The following GRM7 variants were observed in gnomAD, a reference collection of about 807,000 sequenced individuals.
The protein encoded by GRM7 is glutamate metabotropic receptor 7.
GRM7 carries 35 observed loss-of-function variants against 84.5 expected under a neutral mutation model. That is an observed-to-expected ratio of 0.41 (90% CI 0.32 to 0.55). The LOEUF (loss-of-function observed/expected upper bound fraction) is 0.55, where lower values mean the gene tolerates loss of function less well. GRM7 is among the 20% of genes least tolerant of loss of function. The probability of loss-of-function intolerance (pLI) is 0.19; values close to 1 mark genes in which losing one functional copy is unlikely to be tolerated. For synonymous variants in GRM7, 487 were observed against 455.1 expected (o/e 1.07, Z -0.89); for missense variants, 1,003 against 1,194.6 (o/e 0.84, Z 2.36).
chr3:7,476,375 GTC>G (rs1033888969), intron 7 of GRM7, among the ~76,000 whole-genome samples: 5 of 151,990 alleles, frequency 3.3e-5, no homozygotes, highest in Admixed American at 3.3e-4. Context: ...ATGAAAACCC[GTC>G]TCTACTAAAA....
intron 1 of GRM7, among the ~76,000 whole-genome samples, chr3:6,889,747 C>A (rs1191534228): frequency 4.6e-5 from 7 of 151,902 alleles, no homozygotes; most frequent in East Asian, 1.9e-4. Flanking sequence ...CTGGCCTCAG[C>A]AAATGAGTTA....
rs113817764 is a variant in GRM7 at position 7,019,625 on chromosome 3, G to A, written c.520-126827G>A. ...TGAATAAGAGTGCATGGAAAGTGGT[G>A]TAACAACTCTGAAATGCATCTCTTC... is the stretch of plus-strand genomic sequence containing the variant. On this transcript the variant is annotated intron_variant, in intron 1 of 9. Coordinates refer to ENST00000357716, the MANE Select transcript of GRM7 (RefSeq NM_000844.4). Among the ~76,000 whole-genome samples, 559 of 152,302 alleles carry A rather than the reference G, an allele frequency of 3.7e-3. 7 individuals are homozygous for A. Among genetic ancestry groups the A allele is most frequent in the Middle Eastern group, 0.017 (5 of 294 alleles).
chr3:7,391,349 C>T (rs2125142357), intron 4 of GRM7, among the ~76,000 whole-genome samples: 1 of 152,186 alleles, frequency 6.6e-6, no homozygotes, highest in South Asian at 2.1e-4. Flanking sequence ...GAAAATGTGG[C>T]ACATACACAC....
At position 7,621,887 on chromosome 3, in the gene GRM7, A is replaced by G. The variant is rs148681885; in HGVS notation, c.2451+42530A>G. Among the ~76,000 whole-genome samples, 90 of 152,288 alleles carry G rather than the reference A, an allele frequency of 5.9e-4. 1 individual carries two copies. In the East Asian group the frequency reaches 0.014, roughly 24 times the overall value. Reference sequence around the variant, plus strand: ...GCCTGGTGAGCTTTACATCAAGAGTAGCAAGAATATGATAGATTGGATTGA... The same window carrying G: ...GCCTGGTGAGCTTTACATCAAGAGTGGCAAGAATATGATAGATTGGATTGA... On this transcript the variant is annotated intron_variant, in intron 8 of 9. Coordinates refer to ENST00000357716, the MANE Select transcript of GRM7 (RefSeq NM_000844.4).
rs974978961 is a variant in GRM7 at position 6,862,399 on chromosome 3, C to T, written c.519+492C>T. ...ATTTGGAGACAGCCTTAAGGAGGCA[C>T]TTCTTAAATCGAGGGCTCCGTCTTA... On this transcript the variant is annotated intron_variant, in intron 1 of 9. Coordinates refer to ENST00000357716, the MANE Select transcript of GRM7 (RefSeq NM_000844.4). The surrounding 1 kb of genome is among the most constrained non-coding windows in gnomAD (Gnocchi z 5.2). Among the ~76,000 whole-genome samples, 1 of 152,014 alleles carries T rather than the reference C, an allele frequency of 6.6e-6. No individual in the cohort carries two copies. Among genetic ancestry groups the T allele is most frequent in the African/African-American group, 2.4e-5 (1 of 41,406 alleles).
chr3:7,033,996 C>T, intron 1 of GRM7, among the ~76,000 whole-genome samples: 1 of 152,236 alleles, frequency 6.6e-6, no homozygotes, highest in East Asian at 1.9e-4. Context: ...TATGCCTAAG[C>T]ACCAATTACA....
At chr3:7,335,504 A>G (rs1046863324) in intron 4 of GRM7, among the ~76,000 whole-genome samples, 22 of 152,212 alleles carry the variant, frequency 1.4e-4, no homozygotes, top group African/African-American at 4.8e-4. Flanking sequence ...AAGGAACTAG[A>G]GAAACAAGAA....
At chr3:7,691,312 C>G in intron 9 of GRM7, 1 of 1,231,540 alleles carries the variant, frequency 8.1e-7, no homozygotes, top group African/African-American at 1.6e-5. Flanking sequence ...TGACATGGAT[C>G]AGCAACTCCA....
At chr3:7,288,534 A>G (rs1699509338) in intron 2 of GRM7, among the ~76,000 whole-genome samples, 1 of 152,144 alleles carries the variant, frequency 6.6e-6, no homozygotes, top group South Asian at 2.1e-4. Flanking sequence ...TCCAAGCTCC[A>G]GTCTTCTCAT....
chr3:7,226,171 A>G (rs2133442), intron 2 of GRM7, among the ~76,000 whole-genome samples: 121,901 of 152,104 alleles, frequency 0.8, 49,490 homozygotes, highest in East Asian at 0.98. Flanking sequence ...GCTGTGTAAC[A>G]AATCACTGCA....
intron 4 of GRM7, among the ~76,000 whole-genome samples, chr3:7,353,868 C>T (rs1466566366): frequency 1.3e-5 from 2 of 152,080 alleles, no homozygotes; most frequent in African/African-American, 4.8e-5. Context: ...GGCAAAGCAA[C>T]AATCAGAATA....
At chr3:6,923,987 T>C (rs1248081318) in intron 1 of GRM7, among the ~76,000 whole-genome samples, 2 of 152,238 alleles carry the variant, frequency 1.3e-5, no homozygotes, top group African/African-American at 4.8e-5. Flanking sequence ...CTGATACTTA[T>C]TTAAGTTGGA....
intron 9 of GRM7, among the ~76,000 whole-genome samples, chr3:7,729,145 G>T (rs890412371): frequency 1.3e-5 from 2 of 150,820 alleles, no homozygotes; most frequent in African/African-American, 4.9e-5. Flanking sequence ...TCACCCACAC[G>T]CTGAAATTGA....
chr3:7,412,678 G>T (rs867775875), intron 4 of GRM7, among the ~76,000 whole-genome samples: 2 of 152,238 alleles, frequency 1.3e-5, no homozygotes, highest in Middle Eastern at 3.4e-3. Flanking sequence ...CAGGAATATT[G>T]CTCAACATGT....
chr3:7,011,399 A>G (rs1007689632), intron 1 of GRM7, among the ~76,000 whole-genome samples: 5 of 151,648 alleles, frequency 3.3e-5, no homozygotes, highest in African/African-American at 1.2e-4. Flanking sequence ...TTTATTTTTA[A>G]TAGCATTTTT....
intron 4 of GRM7, 28 bp from the exon 5 acceptor site, chr3:7,414,995 A>G: frequency 1.3e-6 from 2 of 1,589,948 alleles, no homozygotes; most frequent in Non-Finnish European, 8.6e-7. Flanking sequence ...CCCCGCAAGC[A>G]ATGACCTTTT....
intron 1 of GRM7, among the ~76,000 whole-genome samples, chr3:7,013,760 C>T (rs1410709382): frequency 6.6e-6 from 1 of 152,104 alleles, no homozygotes; most frequent in African/African-American, 2.4e-5. Flanking sequence ...AGAACCCTAT[C>T]TCTTACAATT....
At chr3:7,066,268 G>A (rs1035224334) in intron 1 of GRM7, among the ~76,000 whole-genome samples, 16 of 151,800 alleles carry the variant, frequency 1.1e-4, no homozygotes, top group Non-Finnish European at 2.1e-4. Context: ...AAAACTGATA[G>A]ACCATTAGCA....
In GRM7 at chr3:7,422,732, T is replaced by G. The variant is rs3804976; in HGVS notation, c.1174+7569T>G. On this transcript the variant is annotated intron_variant, in intron 5 of 9. Transcript: ENST00000357716. Reference sequence around the variant, plus strand: ...CTTTTAGAACACAAAGGTCAGTCCTTTATTTATTATTATTATTTTCTTTTT... The same window carrying G: ...CTTTTAGAACACAAAGGTCAGTCCTGTATTTATTATTATTATTTTCTTTTT... 3.8e-3 allele frequency among the ~76,000 whole-genome samples: 578 copies of G among 152,282 alleles called. 2 individuals are homozygous for G. Among genetic ancestry groups the G allele is most frequent in the East Asian group, 0.02 (104 of 5,186 alleles).
Sources: gnomAD v4.1 joint callset for allele counts (sites outside exome capture counted in the v4.1 genomes callset) on GRCh38, gnomAD v4.1.1 for gene constraint, Gnocchi (gnomAD v3.1) non-coding constraint, MANE v1.5 for transcripts, NCBI Gene and HGNC (gene_info 2026-07-23, HGNC 2026-07-21) for gene names.